FAM149B1: variants seen among roughly 807,000 people sequenced by gnomAD.
The protein encoded by FAM149B1 is primary cilium assembly protein FAM149B1.
Under a neutral mutation model 75.3 loss-of-function variants are expected in FAM149B1, and 56 were observed. The ratio of observed to expected loss-of-function variants is 0.74; its 90% CI spans 0.60 to 0.93. FAM149B1 has a LOEUF of 0.93. Ranked by LOEUF, FAM149B1 falls within the 40% of genes least tolerant of loss-of-function variation. FAM149B1 has a pLI of 0.00. For missense variants in FAM149B1, 639 were observed against 708.4 expected, an observed-to-expected ratio of 0.90 and a Z score of 1.11; for synonymous variants, 259 against 256.1, an observed-to-expected ratio of 1.01 and a Z score of -0.11.
intron 2 of FAM149B1, among the ~76,000 whole-genome samples, chr10:73,177,510 G>T (rs112512207): frequency 1.1e-3 from 161 of 152,094 alleles, no homozygotes; most frequent in African/African-American, 3.7e-3. Context: ...GGAGGCCGAG[G>T]TTGCAATGAG....
chr10:73,168,960 C>G (rs1589126692), intron 1 of FAM149B1: 2 of 152,216 alleles, frequency 1.3e-5, no homozygotes, highest in African/African-American at 4.8e-5. Context: ...GCACCAGAAT[C>G]CATAAAGATC....
Position 73,243,872 on chromosome 10 carries a change from C to T in FAM149B1, c.*2853C>T, listed in dbSNP as rs2043979707. The T allele has an allele frequency of 1.2e-6, 2 of 1,613,994 alleles. No homozygotes were observed. The highest frequency in any genetic ancestry group is 2.7e-5 in the African/African-American group (2 of 74,914). Reference sequence around the variant, plus strand: ...ATGGCTGCCTTCAGGCTATCCACGCCTTCATCAAGCCCCAACTCCTTTCTG... The same window carrying T: ...ATGGCTGCCTTCAGGCTATCCACGCTTTCATCAAGCCCCAACTCCTTTCTG... On this transcript the variant is annotated 3_prime_UTR_variant, in exon 14 of 14. Transcript: ENST00000242505.
At chr10:73,199,848 A>G (rs923179938) in intron 5 of FAM149B1, 1 of 174,790 alleles carries the variant, frequency 5.7e-6, no homozygotes, top group Non-Finnish European at 1.3e-5. Context: ...TCCGTGGATT[A>G]TAACAGCAGA....
At position 73,221,265 on chromosome 10, in the gene FAM149B1, A is replaced by G. The variant is rs1169263933; in HGVS notation, c.899-6795A>G. On this transcript the variant is annotated intron_variant, in intron 7 of 13. Coordinates refer to ENST00000242505, the MANE Select transcript of FAM149B1 (RefSeq NM_173348.2). ...TAAAATGGTTAAAATGATGAATTTT[A>G]TGTTATATGAATCTTATTTTTAAAA... is the stretch of plus-strand genomic sequence containing the variant. 2.0e-5 allele frequency among the ~76,000 whole-genome samples: 3 copies of G among 152,158 alleles called. No homozygotes were observed. In the East Asian group the frequency reaches 5.8e-4, roughly 29 times the overall value.
At chr10:73,178,049 C>T (rs768375053) in intron 3 of FAM149B1, 74 bp downstream of exon 3, 2 of 1,357,126 alleles carry the variant, frequency 1.5e-6, no homozygotes, top group Non-Finnish European at 2.0e-6. Flanking sequence ...CAGTATATTT[C>T]ATTCCTTCAC....
chr10:73,208,908 T>C (rs1333593927), intron 6 of FAM149B1, 122 bp downstream of exon 6: 2 of 612,778 alleles, frequency 3.3e-6, no homozygotes, highest in Non-Finnish European at 4.8e-6. Context: ...TTATTTATTT[T>C]ATGTTATTTC....
intron 1 of FAM149B1, among the ~76,000 whole-genome samples, chr10:73,173,205 A>G (rs573023433): frequency 2.0e-5 from 3 of 152,308 alleles, no homozygotes; most frequent in African/African-American, 7.2e-5. Flanking sequence ...TAGTACCAAG[A>G]ATCCCATGAA....
chr10:73,170,278 C>T (rs1016588089), intron 1 of FAM149B1, among the ~76,000 whole-genome samples: 7 of 151,966 alleles, frequency 4.6e-5, no homozygotes, highest in African/African-American at 1.2e-4. Flanking sequence ...CCAAGGTGGG[C>T]GATTGCCTGA....
chr10:73,216,976 C>A lies in FAM149B1; in HGVS notation c.898+6538C>A, dbSNP rs138984287. 1.4e-3 allele frequency among the ~76,000 whole-genome samples: 218 copies of A among 152,324 alleles called. 2 individuals are homozygous for A. Among genetic ancestry groups the A allele is most frequent in the Admixed American group, 4.2e-3 (64 of 15,300 alleles). On this transcript the variant is annotated intron_variant, in intron 7 of 13. Coordinates refer to ENST00000242505, the MANE Select transcript of FAM149B1 (RefSeq NM_173348.2). ...CCTGCCCTTGCCTATCTCTGCATCTCCAAAGTGATTATCACAAAAAGAGTG... is the reference window on the plus strand; with the variant it reads ...CCTGCCCTTGCCTATCTCTGCATCTACAAAGTGATTATCACAAAAAGAGTG...
chr10:73,213,616 T>G (rs1000808140), intron 7 of FAM149B1, among the ~76,000 whole-genome samples: 2 of 152,216 alleles, frequency 1.3e-5, no homozygotes, highest in Non-Finnish European at 2.9e-5. Context: ...TATATTTTTG[T>G]TGACTTTGTC....
chr10:73,243,837 GT>G lies in FAM149B1; in HGVS notation c.*2821del, dbSNP rs1188258573. 1 of 1,610,894 alleles carries G rather than the reference GT, an allele frequency of 6.2e-7. No individual in the cohort carries two copies. The highest frequency in any genetic ancestry group is 8.5e-7 in the Non-Finnish European group (1 of 1,178,814). ...TAAAGATGTGGCAACAAACTGCCAAGTTTACCTGAATGGCTGCCTTCAGGCT... is the reference window on the plus strand; with the variant it reads ...TAAAGATGTGGCAACAAACTGCCAAGTTACCTGAATGGCTGCCTTCAGGCT... On this transcript the variant is annotated 3_prime_UTR_variant, in exon 14 of 14. Coordinates refer to ENST00000242505, the MANE Select transcript of FAM149B1 (RefSeq NM_173348.2).
At position 73,231,394 on chromosome 10, in the gene FAM149B1, G is replaced by A. The variant is rs1345530186; in HGVS notation, c.1127+869G>A. ...CACAGGTATATGTTTAGTTTCATAG[G>A]AAACTGCCATACGATTTCCCAAAGG... On this transcript the variant is annotated intron_variant, in intron 9 of 13. Coordinates refer to ENST00000242505, the MANE Select transcript of FAM149B1 (RefSeq NM_173348.2). 3.3e-5 allele frequency: 5 copies of A among 152,122 alleles called. No individual in the cohort carries two copies. In the East Asian group the frequency reaches 9.6e-4, roughly 29 times the overall value. The allele number at this position is 152,122 out of a possible 1,614,324, so 9.4% of individuals were successfully genotyped here.
At chr10:73,206,133 C>A (rs1456406332) in intron 5 of FAM149B1, among the ~76,000 whole-genome samples, 1 of 152,198 alleles carries the variant, frequency 6.6e-6, no homozygotes, top group Non-Finnish European at 1.5e-5. Flanking sequence ...TTACTGGGAA[C>A]TGGAAGAAAG....
intron 5 of FAM149B1, 32 bp from the exon 6 acceptor site, chr10:73,208,586 TA>T: frequency 7.0e-7 from 1 of 1,418,662 alleles, no homozygotes; most frequent in African/African-American, 1.4e-5. Context: ...TATGTTTACA[TA>T]ATTAATATTT....
rs1035387672 is a variant in FAM149B1 at position 73,241,446 on chromosome 10, A to C, written c.*427A>C. The C allele has an allele frequency of 7.0e-5, 13 of 184,574 alleles. No individual in the cohort carries two copies. Among genetic ancestry groups the C allele is most frequent in the Non-Finnish European group, 5.7e-5 (5 of 87,470 alleles). 11.4% of individuals were successfully genotyped at this position (184,574 alleles called of 1,614,324 possible). A position where few individuals can be genotyped will look rare whatever the true frequency, so the allele number is the denominator to read the frequency against. ...CCTGTGTTCATTTCTGGAGAGTTGT[A>C]CTCAGTTTTAAGTCATTTTGCTGTT... is the stretch of plus-strand genomic sequence containing the variant. On this transcript the variant is annotated 3_prime_UTR_variant, in exon 14 of 14. Coordinates refer to ENST00000242505, the MANE Select transcript of FAM149B1 (RefSeq NM_173348.2).
chr10:73,239,283 TAAG>T (rs760513407), intron 12 of FAM149B1, 26 bp from the exon 13 acceptor site: 2 of 1,533,308 alleles, frequency 1.3e-6, no homozygotes, highest in Non-Finnish European at 1.8e-6. Flanking sequence ...AGATGCATCA[TAAG>T]AAGTGTCTCC....
At position 73,210,232 on chromosome 10, in the gene FAM149B1, C is replaced by T. The variant is rs916506891; in HGVS notation, c.711-19C>T. On this transcript the variant is annotated intron_variant, in intron 6 of 13. Coordinates refer to ENST00000242505, the MANE Select transcript of FAM149B1 (RefSeq NM_173348.2). ...TCCCTTCAGCATCATGAAGTCTTTCCTTCTTGCTTCTGTTACAGAGAAGAG... is the reference window on the plus strand; with the variant it reads ...TCCCTTCAGCATCATGAAGTCTTTCTTTCTTGCTTCTGTTACAGAGAAGAG... The T allele has an allele frequency of 3.3e-6, 5 of 1,536,114 alleles. No individual in the cohort carries two copies. The East Asian group carries it at 7.4e-5, about 23-fold the overall frequency.
At position 73,174,862 on chromosome 10, in the gene FAM149B1, G is replaced by C. The variant is rs950629541; in HGVS notation, c.152+71G>C. 3 of 1,047,476 alleles carry C rather than the reference G, an allele frequency of 2.9e-6. No individual in the cohort carries two copies. The African/African-American group carries it at 4.7e-5, about 17-fold the overall frequency. The allele number at this position is 1,047,476 out of a possible 1,614,324, so 64.9% of individuals were successfully genotyped here. ...GCAGAGGTTTTGTTTTTTGGCTTAA[G>C]ATTGGTGTCAAGCCTTGTGCTAATG... On this transcript the variant is annotated intron_variant, in intron 2 of 13. Coordinates refer to ENST00000242505, the MANE Select transcript of FAM149B1 (RefSeq NM_173348.2).
intron 9 of FAM149B1, among the ~76,000 whole-genome samples, chr10:73,231,996 C>T (rs577733775): frequency 6.8e-4 from 103 of 151,936 alleles, no homozygotes; most frequent in African/African-American, 2.4e-3. Flanking sequence ...AGGTTTAGCC[C>T]TGTTCCTTGA....
Sources: allele counts gnomAD v4.1 joint callset (sites outside exome capture counted in the v4.1 genomes callset), GRCh38; gene constraint gnomAD v4.1.1; transcripts MANE v1.5; gene names NCBI Gene and HGNC (gene_info 2026-07-23, HGNC 2026-07-21).